ATXN7L1: variants seen among roughly 807,000 people sequenced by gnomAD.
ATXN7L1 encodes ataxin-7-like protein 1.
In ATXN7L1, 15 loss-of-function variants were observed where a neutral mutation model predicts 70.8. The observed-to-expected ratio is 0.21, with a 90% CI of 0.14 to 0.33. ATXN7L1 has a LOEUF of 0.33. Ranked by LOEUF, ATXN7L1 falls within the 10% of genes least tolerant of loss-of-function variation. ATXN7L1 has a pLI of 1.00. For synonymous variants in ATXN7L1, 440 were observed against 445.1 expected (o/e 0.99, Z 0.14); for missense variants, 975 against 1,097.1 (o/e 0.89, Z 1.57).
At chr7:105,608,967 C>G (rs1208965678) in intron 11 of ATXN7L1, among the ~76,000 whole-genome samples, 2 of 152,178 alleles carry the variant, frequency 1.3e-5, no homozygotes, top group Non-Finnish European at 2.9e-5. Context: ...CTGGTCCTCC[C>G]TAGACACATA....
Position 105,643,058 on chromosome 7 carries a change from A to G in ATXN7L1, c.642T>C (p.Asn214=). The part of the protein sequence containing the change: ...IPNLVKADGA[N]VKMNSTTTTA... ...TAGTGGTTGTGGAGTTCATTTTGAC[A>G]TTGGCACCATCTGCCTTCACTAGGT... is the stretch of plus-strand genomic sequence containing the variant. Residue 214 remains asparagine, a synonymous_variant, in exon 5 of 12, where the codon AAT becomes AAC. Transcript: ENST00000419735. 6.5e-7 allele frequency: 1 copy of G among 1,549,556 alleles called. No homozygotes were observed. The highest frequency in any genetic ancestry group is 8.7e-7 in the Non-Finnish European group (1 of 1,145,334).
chr7:105,614,103 G>T lies in ATXN7L1; in HGVS notation c.2231C>A (p.Pro744His). Residue 744 changes from proline (P) to histidine (H), a missense_variant, in exon 10 of 12, where the codon CCC becomes CAC. By Grantham distance (77) the Pro-to-His change is moderately conservative (BLOSUM62 -2). Around this residue, in one of 5 missense-constraint regions of ATXN7L1, gnomAD observed 635 missense variants for 699.4 expected, o/e 0.91. Coordinates refer to ENST00000419735, the MANE Select transcript of ATXN7L1 (RefSeq NM_020725.2). This position sits in a 1 kb window ranked among gnomAD's most constrained non-coding sequence, Gnocchi z 4.3. ...GAVGGSSDSC[P>H]LSVPSLALHA... ...GAGCGCAAGGGAGGGCACAGAGAGG[G>T]GACAGGAGTCACTGCTGCCTCCCAC... 1 of 1,551,682 alleles carries T rather than the reference G, an allele frequency of 6.4e-7. No individual in the cohort carries two copies. Among genetic ancestry groups the T allele is most frequent in the Non-Finnish European group, 8.7e-7 (1 of 1,147,002 alleles).
intron 2 of ATXN7L1, among the ~76,000 whole-genome samples, chr7:105,850,034 A>T (rs1814644131): frequency 6.6e-6 from 1 of 152,210 alleles, no homozygotes; most frequent in African/African-American, 2.4e-5. Flanking sequence ...TAAAATCAGG[A>T]TGTCTTAGAA....
Position 105,624,273 on chromosome 7 carries a change from G to T in ATXN7L1, c.1203-6C>A. The T allele has an allele frequency of 7.2e-7, 1 of 1,393,352 alleles. No homozygotes were observed. Among genetic ancestry groups the T allele is most frequent in the East Asian group, 2.9e-5 (1 of 34,938 alleles). The allele number at this position is 1,393,352 out of a possible 1,614,324, so 86.3% of individuals were successfully genotyped here. On this transcript the variant is annotated splice_region_variant and splice_polypyrimidine_tract_variant and intron_variant, in intron 7 of 11. Transcript: ENST00000419735. ...TGCTATTTGCAGATGATGGTCTAAG[G>T]GCAAGAGCGGAGAACAAACAAAATA... is the stretch of plus-strand genomic sequence containing the variant.
intron 2 of ATXN7L1, among the ~76,000 whole-genome samples, chr7:105,813,163 C>G (rs1414793704): frequency 6.6e-6 from 1 of 152,174 alleles, no homozygotes; most frequent in Non-Finnish European, 1.5e-5. Context: ...CATTTCATGA[C>G]AGACTTTTGC....
At chr7:105,847,492 TA>T (rs1814231609) in intron 2 of ATXN7L1, among the ~76,000 whole-genome samples, 1 of 152,134 alleles carries the variant, frequency 6.6e-6, no homozygotes, top group Non-Finnish European at 1.5e-5. Flanking sequence ...CAAGGGCAGG[TA>T]AAATCAGGGC....
intron 2 of ATXN7L1, among the ~76,000 whole-genome samples, chr7:105,792,998 T>C (rs996962272): frequency 1.3e-5 from 2 of 152,240 alleles, no homozygotes; most frequent in African/African-American, 4.8e-5. Context: ...GCAAGGCAAC[T>C]ATAGTAAAGT....
chr7:105,715,947 AG>A (rs1794486891), intron 3 of ATXN7L1, among the ~76,000 whole-genome samples: 1 of 152,190 alleles, frequency 6.6e-6, no homozygotes. Context: ...TGGCACCAGC[AG>A]GCTTCAGGTA....
Position 105,876,361 on chromosome 7 carries a change from G to C in ATXN7L1, c.181+17C>G, listed in dbSNP as rs1819305708. Reference sequence around the variant, plus strand: ...TTACAGGATAATAAAAGGAGGAGGAGGTGGTGGGGTTCTTACTGTCGGAGC... The same window carrying C: ...TTACAGGATAATAAAAGGAGGAGGACGTGGTGGGGTTCTTACTGTCGGAGC... On this transcript the variant is annotated intron_variant, in intron 1 of 11. Transcript: ENST00000419735. 1.3e-6 allele frequency: 2 copies of C among 1,584,876 alleles called. No homozygotes were observed. The highest frequency in any genetic ancestry group is 2.7e-5 in the African/African-American group (2 of 74,432).
intron 4 of ATXN7L1, among the ~76,000 whole-genome samples, chr7:105,646,750 A>G (rs990675711): frequency 7.1e-6 from 1 of 141,226 alleles, no homozygotes; most frequent in African/African-American, 2.8e-5. Context: ...CCTGGACAAC[A>G]CCGTGAGACC....
At position 105,614,770 on chromosome 7, in the gene ATXN7L1, G is replaced by A. The variant is rs1423279732; in HGVS notation, c.1564C>T (p.His522Tyr). Residue 522 changes from histidine to tyrosine, a missense_variant, in exon 10 of 12, where the codon CAC becomes TAC. Physicochemically the swap from His to Tyr is moderately conservative, Grantham distance 83. Transcript: ENST00000419735. This position sits in a 1 kb window ranked among gnomAD's most constrained non-coding sequence, Gnocchi z 4.3. ...GATGCTGGAACGGGGGTGGTGATGT[G>A]GGCTGCTGGCGAGGGCAGGGGGCTA... ...ADSPLPSPAA[H>Y]ITTPVPASVL... 2.6e-6 allele frequency: 4 copies of A among 1,551,670 alleles called. No homozygotes were observed. The Admixed American group carries it at 7.8e-5, about 30-fold the overall frequency.
At chr7:105,762,629 T>C (rs1800701361) in intron 3 of ATXN7L1, among the ~76,000 whole-genome samples, 1 of 152,150 alleles carries the variant, frequency 6.6e-6, no homozygotes, top group South Asian at 2.1e-4. Flanking sequence ...CCTCCTCATC[T>C]TTACACCAAA....
chr7:105,607,536 G>T lies in ATXN7L1; in HGVS notation c.*316C>A, dbSNP rs1055160784. The T allele has an allele frequency of 7.1e-5, 27 of 380,854 alleles. No individual in the cohort carries two copies. Among genetic ancestry groups the T allele is most frequent in the Middle Eastern group, 1.6e-3 (2 of 1,288 alleles). 23.6% of individuals were successfully genotyped at this position (380,854 alleles called of 1,614,324 possible). A position where few individuals can be genotyped will look rare whatever the true frequency, so the allele number is the denominator to read the frequency against. On this transcript the variant is annotated 3_prime_UTR_variant, in exon 12 of 12. Coordinates refer to ENST00000419735, the MANE Select transcript of ATXN7L1 (RefSeq NM_020725.2). ...GTCTGCTCTCATGGCTGGAGCAAAA[G>T]GATGGTACAGTAGCAGCATCAGGAG...
intron 3 of ATXN7L1, among the ~76,000 whole-genome samples, chr7:105,717,937 A>G (rs1794755948): frequency 6.6e-6 from 1 of 152,174 alleles, no homozygotes; most frequent in Non-Finnish European, 1.5e-5. Context: ...AATTTTTGTA[A>G]TGGTAAGAAT....
chr7:105,726,288 T>C (rs1795810207), intron 3 of ATXN7L1, among the ~76,000 whole-genome samples: 1 of 152,222 alleles, frequency 6.6e-6, no homozygotes, highest in Non-Finnish European at 1.5e-5. Flanking sequence ...TAGGAAATAA[T>C]TCCAAGAGCA....
At chr7:105,812,284 AC>A (rs1304338158) in intron 2 of ATXN7L1, among the ~76,000 whole-genome samples, 1 of 152,226 alleles carries the variant, frequency 6.6e-6, no homozygotes, top group African/African-American at 2.4e-5. Flanking sequence ...TACCGTATTA[AC>A]ACTAAGTTTG....
intron 2 of ATXN7L1, among the ~76,000 whole-genome samples, chr7:105,868,688 G>A (rs746588855): frequency 6.6e-6 from 1 of 151,964 alleles, no homozygotes; most frequent in African/African-American, 2.4e-5. Flanking sequence ...GGGGTGGGAG[G>A]GAGACTTACT....
intron 3 of ATXN7L1, among the ~76,000 whole-genome samples, chr7:105,692,415 TTCC>T (rs1791063799): frequency 7.4e-6 from 1 of 134,764 alleles, no homozygotes; most frequent in East Asian, 2.3e-4. Flanking sequence ...CCTTCCTTCC[TTCC>T]TTCCTTCCTC....
intron 3 of ATXN7L1, among the ~76,000 whole-genome samples, chr7:105,782,586 A>G (rs939694454): frequency 6.6e-6 from 1 of 152,090 alleles, no homozygotes; most frequent in African/African-American, 2.4e-5. Flanking sequence ...CACGATCAGG[A>G]GCAGAAGGAC....
Sources: gnomAD v4.1 joint callset for allele counts (sites outside exome capture counted in the v4.1 genomes callset) on GRCh38, gnomAD v4.1.1 for gene constraint, gnomAD v4.1.1 regional missense constraint, Gnocchi (gnomAD v3.1) non-coding constraint, MANE v1.5 for transcripts, NCBI Gene and HGNC (gene_info 2026-07-23, HGNC 2026-07-21) for gene names.